MICU1: variants seen among roughly 807,000 people sequenced by gnomAD.
MICU1 encodes calcium uptake protein 1, mitochondrial.
A neutral mutation model predicts 56.8 loss-of-function variants in MICU1; 45 were observed. The ratio of observed to expected loss-of-function variants is 0.79; its 90% CI spans 0.62 to 1.02. The LOEUF (loss-of-function observed/expected upper bound fraction) is 1.02. MICU1 is among the 50% of genes least tolerant of loss of function. The pLI is 0.00. For missense variants in MICU1, 504 were observed against 587.1 expected, an observed-to-expected ratio of 0.86 and a Z score of 1.46; for synonymous variants, 186 against 195.1, an observed-to-expected ratio of 0.95 and a Z score of 0.39.
chr10:72,398,293 G>A (rs932612100), intron 10 of MICU1, among the ~76,000 whole-genome samples: 2 of 152,184 alleles, frequency 1.3e-5, no homozygotes, highest in Non-Finnish European at 2.9e-5. Context: ...TTAAAGCAGT[G>A]TATAGAGGGA....
At position 72,475,176 on chromosome 10, in the gene MICU1, T is replaced by A; in HGVS notation, c.857A>T (p.Asp286Val). 1 of 1,611,360 alleles carries A rather than the reference T, an allele frequency of 6.2e-7. No homozygotes were observed. Among genetic ancestry groups the A allele is most frequent in the South Asian group, 1.1e-5 (1 of 90,368 alleles). The change falls in exon 8 of 12, where the codon GAT becomes GTT. Residue 286 changes from aspartate (D) to valine (V), a missense_variant. Coordinates refer to ENST00000361114, the MANE Select transcript of MICU1 (RefSeq NM_001195518.2). ...TTTGATTGTCAGCTTTCCCTTCAGA[T>A]CAGCTCCAAAAAAGTAGGTTGTGAG... ...SALTTYFFGA[D>V]LKGKLTIKNF...
intron 10 of MICU1, among the ~76,000 whole-genome samples, chr10:72,391,090 C>T (rs1476518584): frequency 1.3e-5 from 2 of 152,370 alleles, no homozygotes; most frequent in East Asian, 1.9e-4. Flanking sequence ...GTTGGTCCTT[C>T]ATATGTGTAG....
chr10:72,513,678 CTCTTT>C (rs978265656), intron 5 of MICU1, among the ~76,000 whole-genome samples: 2 of 151,998 alleles, frequency 1.3e-5, no homozygotes, highest in African/African-American at 4.8e-5. Flanking sequence ...ACAGCATTTG[CTCTTT>C]TTTTTTAGGT....
chr10:72,552,776 A>G (rs1018110299), intron 3 of MICU1, among the ~76,000 whole-genome samples: 1 of 152,158 alleles, frequency 6.6e-6, no homozygotes, highest in Admixed American at 6.5e-5. Flanking sequence ...CTGGTCTCGA[A>G]CGCCTGACCT....
chr10:72,508,184 T>C lies in MICU1; in HGVS notation c.623A>G (p.Asp208Gly). Residue 208 changes from aspartate to glycine, a missense_variant, in exon 6 of 12, where the codon GAC becomes GGC. Transcript: ENST00000361114. The stretch of plus-strand genomic sequence containing the variant: ...AAGAACAGTTGTGAGGAAAATGTAG[T>C]CTGAAAAGGATATGAGCCCACATTC... ...LGECGLISFSDYIFLTTVLST... is the reference protein window; with the variant it reads ...LGECGLISFSGYIFLTTVLST... 1.3e-6 allele frequency: 2 copies of C among 1,536,764 alleles called. No individual in the cohort carries two copies. Among genetic ancestry groups the C allele is most frequent in the Non-Finnish European group, 1.8e-6 (2 of 1,129,048 alleles).
At chr10:72,523,776 C>T (rs1190305746) in intron 5 of MICU1, 2 of 1,418,524 alleles carry the variant, frequency 1.4e-6, no homozygotes, top group Non-Finnish European at 1.8e-6. Context: ...AGAGCCCAAG[C>T]CTTCAAAGAT....
intron 1 of MICU1, among the ~76,000 whole-genome samples, chr10:72,597,444 C>G (rs73282786): frequency 0.059 from 8,953 of 152,192 alleles, 896 homozygotes; most frequent in African/African-American, 0.2. Context: ...GCTTATGCAT[C>G]TAGAACGGTA....
chr10:72,417,470 A>AAAG (rs1554864642), intron 9 of MICU1, among the ~76,000 whole-genome samples: 18 of 149,282 alleles, frequency 1.2e-4, no homozygotes, highest in African/African-American at 4.0e-4. Context: ...AAAAAAAAAA[A>AAAG]AAAGAAATAT....
intron 8 of MICU1, among the ~76,000 whole-genome samples, chr10:72,469,172 A>C (rs1318514030): frequency 6.6e-6 from 1 of 152,244 alleles, no homozygotes. Flanking sequence ...ATAAATGATC[A>C]TGAACTTATC....
At chr10:72,583,442 G>A (rs1344789886) in intron 1 of MICU1, among the ~76,000 whole-genome samples, 1 of 152,016 alleles carries the variant, frequency 6.6e-6, no homozygotes, top group African/African-American at 2.4e-5. Flanking sequence ...CACCACACCT[G>A]GCTAATTTTT....
chr10:72,410,048 T>G (rs74969869), intron 9 of MICU1, among the ~76,000 whole-genome samples: 1 of 152,224 alleles, frequency 6.6e-6, no homozygotes, highest in South Asian at 2.1e-4. Flanking sequence ...CATTTTTATA[T>G]GTAAATAGCG....
At chr10:72,446,471 C>G (rs1235283872) in intron 8 of MICU1, among the ~76,000 whole-genome samples, 1 of 151,942 alleles carries the variant, frequency 6.6e-6, no homozygotes, top group African/African-American at 2.4e-5. Flanking sequence ...GCTGGGATTA[C>G]AGGTGTCCGC....
At chr10:72,474,741 T>C (rs1266942589) in intron 8 of MICU1, among the ~76,000 whole-genome samples, 1 of 152,206 alleles carries the variant, frequency 6.6e-6, no homozygotes, top group East Asian at 1.9e-4. Context: ...CAATTATCCA[T>C]CCTTCTTCAT....
chr10:72,405,702 T>C (rs1432222817), intron 10 of MICU1, among the ~76,000 whole-genome samples: 1 of 152,082 alleles, frequency 6.6e-6, no homozygotes, highest in Non-Finnish European at 1.5e-5. Context: ...GGATAAGGAA[T>C]AGTCAATGTC....
At chr10:72,395,995 G>A (rs1309088844) in intron 10 of MICU1, among the ~76,000 whole-genome samples, 1 of 152,242 alleles carries the variant, frequency 6.6e-6, no homozygotes, top group African/African-American at 2.4e-5. Flanking sequence ...TCTGACCCCT[G>A]TGTAGCCTAA....
intron 8 of MICU1, among the ~76,000 whole-genome samples, chr10:72,446,625 A>T (rs1175317817): frequency 6.6e-6 from 1 of 152,210 alleles, no homozygotes; most frequent in Non-Finnish European, 1.5e-5. Context: ...CACCAGGCCC[A>T]GCCCTAATGG....
chr10:72,612,011 C>CAAA lies in MICU1; in HGVS notation c.-2+13996_-2+13998dup, dbSNP rs55767300. ...CCTTATCTCTTAAAAACCAACCAAC[C>CAAA]AAAAAAAAAAAAAAAAAAATCACAA... On this transcript the variant is annotated intron_variant, in intron 1 of 11. Transcript: ENST00000361114. Among the ~76,000 whole-genome samples the CAAA allele has an allele frequency of 2.7e-3, 318 of 119,924 alleles. 1 individual carries two copies. The highest frequency in any genetic ancestry group is 9.1e-3 in the African/African-American group (295 of 32,544). 78.7% of individuals were successfully genotyped at this position (119,924 alleles called of 152,430 possible). A position where few individuals can be genotyped will look rare whatever the true frequency, so the allele number is the denominator to read the frequency against.
chr10:72,580,738 A>G (rs1840878213), intron 1 of MICU1, among the ~76,000 whole-genome samples: 1 of 152,066 alleles, frequency 6.6e-6, no homozygotes, highest in South Asian at 2.1e-4. Flanking sequence ...CAGCCTCCCA[A>G]AGTGCTGGGA....
At chr10:72,496,716 G>A (rs1010246503) in intron 6 of MICU1, among the ~76,000 whole-genome samples, 7 of 151,934 alleles carry the variant, frequency 4.6e-5, no homozygotes, top group African/African-American at 4.8e-5. Context: ...GATTACAGGC[G>A]TGAGCCACCG....
Sources: gnomAD v4.1 joint callset for allele counts (sites outside exome capture counted in the v4.1 genomes callset) on GRCh38, gnomAD v4.1.1 for gene constraint, MANE v1.5 for transcripts, NCBI Gene and HGNC (gene_info 2026-07-23, HGNC 2026-07-21) for gene names.